Variants in SCN3A observed in about 807,000 individuals in gnomAD.
SCN3A encodes the protein sodium voltage-gated channel alpha subunit 3.
In SCN3A, 60 loss-of-function variants were observed where a neutral mutation model predicts 187.6. The observed-to-expected ratio is 0.32, with a 90% CI of 0.26 to 0.40. SCN3A has a LOEUF of 0.40. Among genes scored for constraint, SCN3A ranks in the 10% least tolerant of loss-of-function variants. The pLI, the probability that SCN3A is intolerant of heterozygous loss-of-function variation, is 1.00. For synonymous variants in SCN3A, 788 were observed against 829.2 expected (o/e 0.95, Z 0.85); for missense variants, 1,601 against 2,428.2 (o/e 0.66, Z 7.16).
rs1286609602 is a variant in SCN3A, at chr2:165,090,501, G to A, written c.5652C>T (p.Ser1884=). The A allele has an allele frequency of 1.2e-6, 2 of 1,614,012 alleles. No homozygotes were observed. The highest frequency in any genetic ancestry group is 1.1e-5 in the South Asian group (1 of 91,066). Residue 1884 remains serine, a synonymous_variant, in exon 28 of 28, where the codon TCC becomes TCT. Coordinates refer to ENST00000283254, the MANE Select transcript of SCN3A (RefSeq NM_006922.4). This position sits in a 1 kb window ranked among gnomAD's most constrained non-coding sequence, Gnocchi z 4.0. Reference sequence around the variant, plus strand: ...TTGTAATAGGCTCATAAGAGACTTTGGAGGGGTTTGATGCCATAAACCTGT... The same window carrying A: ...TTGTAATAGGCTCATAAGAGACTTTAGAGGGGTTTGATGCCATAAACCTGT... ...MEDRFMASNP[S]KVSYEPITTT... is the part of the protein sequence containing the mutation.
chr2:165,186,718 C>G lies in SCN3A; in HGVS notation c.-218G>C, dbSNP rs577226957. 3 of 152,142 alleles carry G rather than the reference C, an allele frequency of 2.0e-5. No homozygotes were observed. The highest frequency in any genetic ancestry group is 4.4e-5 in the Non-Finnish European group (3 of 68,056). The allele number at this position is 152,142 out of a possible 1,614,324, so 9.4% of individuals were successfully genotyped here. ...TCATCCCTGTCAAACCTTGATGTGG[C>G]TTGGCTTCAGTTTTCTTGCTCCATA... On this transcript the variant is annotated 5_prime_UTR_variant, in exon 2 of 28. Coordinates refer to ENST00000283254, the MANE Select transcript of SCN3A (RefSeq NM_006922.4).
intron 11 of SCN3A, among the ~76,000 whole-genome samples, chr2:165,151,888 A>G (rs537903701): frequency 6.6e-6 from 1 of 152,264 alleles, no homozygotes; most frequent in South Asian, 2.1e-4. Context: ...CTGTTCCTAC[A>G]CTGGCAAACA....
chr2:165,169,695 A>G (rs1689991318), intron 4 of SCN3A, among the ~76,000 whole-genome samples: 4 of 151,928 alleles, frequency 2.6e-5, no homozygotes, highest in Admixed American at 2.6e-4. Flanking sequence ...CTTTAAGTTT[A>G]TATAGAAGCC....
chr2:165,149,224 G>A (rs1404483232), intron 11 of SCN3A, among the ~76,000 whole-genome samples: 1 of 151,764 alleles, frequency 6.6e-6, no homozygotes, highest in African/African-American at 2.4e-5. Flanking sequence ...CGCCCAGGCT[G>A]GAGTGCAATG....
intron 21 of SCN3A, among the ~76,000 whole-genome samples, chr2:165,112,540 T>C (rs1423174665): frequency 2.6e-5 from 4 of 152,192 alleles, no homozygotes; most frequent in Non-Finnish European, 4.4e-5. Context: ...TGTTTGTTTG[T>C]TTTTTTAAAC....
intron 21 of SCN3A, among the ~76,000 whole-genome samples, chr2:165,109,312 C>T (rs1686005168): frequency 6.6e-6 from 1 of 152,048 alleles, no homozygotes; most frequent in Non-Finnish European, 1.5e-5. Context: ...ATATACATCT[C>T]GATGAACCTT....
At position 165,162,480 on chromosome 2, in the gene SCN3A, C is replaced by A. The variant is rs11887343; in HGVS notation, c.967+76G>T. 0.15 allele frequency: 245,947 copies of A among 1,599,558 alleles called. 26,503 individuals are homozygous for A. Among genetic ancestry groups the A allele is most frequent in the East Asian group, 0.49 (21,824 of 44,726 alleles). ...TCAGTTATTTACAAAGGTGGCTGTACACCCACAGTCTCAACTATTTATAGT... is the reference window on the plus strand; with the variant it reads ...TCAGTTATTTACAAAGGTGGCTGTAAACCCACAGTCTCAACTATTTATAGT... On this transcript the variant is annotated intron_variant, in intron 8 of 27. Transcript: ENST00000283254.
chr2:165,171,055 A>G (rs539448309), intron 3 of SCN3A, among the ~76,000 whole-genome samples: 2 of 152,152 alleles, frequency 1.3e-5, no homozygotes, highest in East Asian at 3.9e-4. Flanking sequence ...GAAGGGTTCA[A>G]CTTCTCAGCT....
chr2:165,192,756 A>G (rs918863539), intron 1 of SCN3A, among the ~76,000 whole-genome samples: 12 of 152,144 alleles, frequency 7.9e-5, no homozygotes, highest in Non-Finnish European at 1.3e-4. Context: ...AATTATATAT[A>G]TTCTATCTTC....
intron 25 of SCN3A, 73 bp downstream of exon 25, chr2:165,095,434 CAGGT>C: frequency 7.1e-7 from 1 of 1,404,706 alleles, no homozygotes; most frequent in South Asian, 1.2e-5. Flanking sequence ...GTCATGACCA[CAGGT>C]ATTCTGGTTA....
intron 21 of SCN3A, among the ~76,000 whole-genome samples, chr2:165,106,785 C>T (rs185464557): frequency 1.2e-4 from 18 of 152,222 alleles, no homozygotes; most frequent in African/African-American, 3.6e-4. Flanking sequence ...TTGCATCCCA[C>T]GGGGAGGCCT....
intron 5 of SCN3A, among the ~76,000 whole-genome samples, chr2:165,166,509 G>T (rs1477907288): frequency 6.6e-6 from 1 of 152,098 alleles, no homozygotes; most frequent in South Asian, 2.1e-4. Flanking sequence ...TAAATAAAAT[G>T]CAGTATAAAT....
In SCN3A at chr2:165,092,842, A is replaced by T. The variant is rs1685177935; in HGVS notation, c.4537-318T>A. The T allele has an allele frequency of 6.8e-6, 2 of 293,572 alleles. No individual in the cohort carries two copies. The highest frequency in any genetic ancestry group is 1.3e-5 in the Non-Finnish European group (2 of 154,868). 18.2% of individuals were successfully genotyped at this position (293,572 alleles called of 1,614,324 possible). ...GAGGCTGAGACTGGAGGCTCTCTTG[A>T]GGCCAAGAGTTCCAGACCAGCCTGG... On this transcript the variant is annotated intron_variant, in intron 26 of 27. Transcript: ENST00000283254. The surrounding 1 kb of genome is among the most constrained non-coding windows in gnomAD (Gnocchi z 4.2).
At chr2:165,194,436 T>G (rs754360434) in intron 1 of SCN3A, among the ~76,000 whole-genome samples, 1 of 152,154 alleles carries the variant, frequency 6.6e-6, no homozygotes. Context: ...CTAAACCTTA[T>G]ATAAATCATG....
At chr2:165,166,461 C>T (rs913743379) in intron 5 of SCN3A, among the ~76,000 whole-genome samples, 6 of 148,282 alleles carry the variant, frequency 4.0e-5, no homozygotes, top group African/African-American at 1.3e-4. Flanking sequence ...TTTGGCTAAT[C>T]TTAATTGTTG....
At chr2:165,107,739 G>A (rs933884999) in intron 21 of SCN3A, among the ~76,000 whole-genome samples, 2 of 152,200 alleles carry the variant, frequency 1.3e-5, no homozygotes, top group African/African-American at 4.8e-5. Flanking sequence ...GGTAAAGGTA[G>A]CTCTACCACC....
Position 165,162,905 on chromosome 2 carries a change from T to C in SCN3A, c.695-77A>G. 1.9e-6 allele frequency: 3 copies of C among 1,541,902 alleles called. No homozygotes were observed. The South Asian group carries it at 3.4e-5, about 17-fold the overall frequency. On this transcript the variant is annotated intron_variant, in intron 7 of 27. Transcript: ENST00000283254. ...TTTCTTAATAGTCACACACATTCTCTTTCCCCCATAAATGATTGCTTGACT... is the reference window on the plus strand; with the variant it reads ...TTTCTTAATAGTCACACACATTCTCCTTCCCCCATAAATGATTGCTTGACT...
At chr2:165,102,335 AC>A (rs1294723062) in intron 21 of SCN3A, among the ~76,000 whole-genome samples, 1 of 152,166 alleles carries the variant, frequency 6.6e-6, no homozygotes, top group African/African-American at 2.4e-5. Flanking sequence ...ATAGAGTGAG[AC>A]CTTATCTCAA....
chr2:165,163,581 A>G lies in SCN3A; in HGVS notation c.694+37T>C, dbSNP rs1439907746. ...CATATAAATTGATTTCAAACTCAAT[A>G]ATTAAAGTCAACCTCGGTGTTTAAC... On this transcript the variant is annotated intron_variant, in intron 7 of 27. Transcript: ENST00000283254. 4.4e-6 allele frequency: 7 copies of G among 1,607,736 alleles called. No individual in the cohort carries two copies. The African/African-American group carries it at 9.4e-5, about 21-fold the overall frequency.
Sources: gnomAD v4.1 joint callset for allele counts (sites outside exome capture counted in the v4.1 genomes callset) on GRCh38, gnomAD v4.1.1 for gene constraint, Gnocchi (gnomAD v3.1) non-coding constraint, MANE v1.5 for transcripts, NCBI Gene and HGNC (gene_info 2026-07-23, HGNC 2026-07-21) for gene names.